DPYD: variants seen among roughly 807,000 people sequenced by gnomAD.
DPYD encodes the protein dihydropyrimidine dehydrogenase [NADP(+)].
A neutral mutation model predicts 116.2 loss-of-function variants in DPYD; 109 were observed. The observed-to-expected ratio is 0.94, with a 90% confidence interval of 0.80 to 1.10. The LOEUF (loss-of-function observed/expected upper bound fraction) is 1.10, where lower values mean the gene tolerates loss of function less well. DPYD is among the 50% of genes least tolerant of loss of function. The probability of loss-of-function intolerance (pLI) is 0.00; values close to 1 mark genes in which losing one functional copy is unlikely to be tolerated. For synonymous variants in DPYD, 440 were observed against 432.0 expected (o/e 1.02, Z -0.23); for missense variants, 1,302 against 1,254.5 (o/e 1.04, Z -0.57).
At chr1:97,195,096 A>G (rs893818763) in intron 19 of DPYD, among the ~76,000 whole-genome samples, 13 of 152,150 alleles carry the variant, frequency 8.5e-5, no homozygotes, top group African/African-American at 2.7e-4. Context: ...GAACCTCTTC[A>G]CCAACATGGC....
intron 5 of DPYD, among the ~76,000 whole-genome samples, chr1:97,704,962 T>G (rs896134765): frequency 2.6e-5 from 4 of 152,036 alleles, no homozygotes; most frequent in African/African-American, 4.8e-5. Context: ...CAATATTTAT[T>G]GAAATATATC....
At chr1:97,461,649 A>G (rs1677040375) in intron 13 of DPYD, among the ~76,000 whole-genome samples, 1 of 152,226 alleles carries the variant, frequency 6.6e-6, no homozygotes, top group Non-Finnish European at 1.5e-5. Context: ...ATAAGCAGCT[A>G]TGCGATATAA....
chr1:97,612,286 G>A (rs1655994705), intron 8 of DPYD, among the ~76,000 whole-genome samples: 2 of 152,056 alleles, frequency 1.3e-5, no homozygotes, highest in Non-Finnish European at 2.9e-5. Context: ...ATATGTTCCT[G>A]TTAGGGTGGT....
rs778911905 is a variant in DPYD at position 97,079,053 on chromosome 1, A to C, written c.3001T>G (p.Cys1001Gly). ...GTTGTCCTGGAAACCATTTTGATGC[A>C]GTCGACAATAGGGCAAACACTGAGA... ...LCLSVCPIVD[C>G]IKMVSRTTPY... Residue 1001 changes from cysteine to glycine, a missense_variant, in exon 23 of 23, where the codon TGC becomes GGC. By Grantham distance (159) the Cys-to-Gly change is radical (BLOSUM62 -3). Transcript: ENST00000370192. The C allele has an allele frequency of 1.2e-6, 2 of 1,613,686 alleles. No homozygotes were observed. The highest frequency in any genetic ancestry group is 2.2e-5 in the South Asian group (2 of 91,068).
At chr1:97,347,229 T>C (rs1669903379) in intron 16 of DPYD, among the ~76,000 whole-genome samples, 1 of 152,010 alleles carries the variant, frequency 6.6e-6, no homozygotes, top group Non-Finnish European at 1.5e-5. Context: ...CACATTTCAC[T>C]ATTAAGTTTG....
intron 11 of DPYD, among the ~76,000 whole-genome samples, chr1:97,554,965 T>C (rs950172487): frequency 1.7e-4 from 26 of 152,118 alleles, no homozygotes; most frequent in African/African-American, 6.3e-4. Context: ...TTTGACATGG[T>C]TATCTTTTCT....
rs1424797533 is a variant in DPYD, at chr1:97,382,389, T to C, written c.1974+4A>G. On this transcript the variant is annotated splice_donor_region_variant and intron_variant, in intron 15 of 22. Transcript: ENST00000370192. The stretch of plus-strand genomic sequence containing the variant: ...AAATAAATATATACTAAAGTAACCA[T>C]TACCTCAGACTTCTTGGCAAGTTCC... 5 of 1,573,874 alleles carry C rather than the reference T, an allele frequency of 3.2e-6. No homozygotes were observed. Among genetic ancestry groups the C allele is most frequent in the Non-Finnish European group, 2.6e-6 (3 of 1,151,404 alleles).
chr1:97,432,965 A>G (rs981127978), intron 14 of DPYD, among the ~76,000 whole-genome samples: 1 of 152,054 alleles, frequency 6.6e-6, no homozygotes, highest in Non-Finnish European at 1.5e-5. Context: ...GAACCAAGGG[A>G]TATCTCTTGC....
intron 8 of DPYD, among the ~76,000 whole-genome samples, chr1:97,628,333 T>C (rs1329940090): frequency 1.3e-5 from 2 of 152,082 alleles, no homozygotes; most frequent in Admixed American, 6.6e-5. Context: ...AAACTTTGAA[T>C]AATACGTATC....
At chr1:97,696,620 T>A (rs1036630418) in intron 6 of DPYD, among the ~76,000 whole-genome samples, 42 of 152,002 alleles carry the variant, frequency 2.8e-4, no homozygotes, top group Non-Finnish European at 4.1e-4. Flanking sequence ...AAAAAAAAAA[T>A]TTCTTGTAAT....
chr1:97,674,604 T>C (rs1240336507), intron 8 of DPYD, among the ~76,000 whole-genome samples: 1 of 151,766 alleles, frequency 6.6e-6, no homozygotes, highest in Non-Finnish European at 1.5e-5. Flanking sequence ...TCTTCAGTTA[T>C]CTATAACAGT....
rs542232738 is a variant in DPYD, at chr1:97,361,394, A to G, written c.2058+12167T>C. Among the ~76,000 whole-genome samples, 5 of 152,218 alleles carry G rather than the reference A, an allele frequency of 3.3e-5. No individual in the cohort carries two copies. In the East Asian group the frequency reaches 9.6e-4, roughly 29 times the overall value. On this transcript the variant is annotated intron_variant, in intron 16 of 22. Transcript: ENST00000370192. The stretch of plus-strand genomic sequence containing the variant: ...AGAGGTACAAAGAGGAGTTGATACC[A>G]TTCCTTCTGAAACTATTCCAATCAA...
chr1:97,903,819 CCAA>C (rs919086384), intron 1 of DPYD, among the ~76,000 whole-genome samples: 10 of 151,870 alleles, frequency 6.6e-5, no homozygotes, highest in Non-Finnish European at 1.3e-4. Flanking sequence ...AGGCAAATGG[CCAA>C]CAACAACATT....
chr1:97,231,587 G>T (rs1388604369), intron 19 of DPYD, among the ~76,000 whole-genome samples: 1 of 152,064 alleles, frequency 6.6e-6, no homozygotes, highest in Non-Finnish European at 1.5e-5. Flanking sequence ...CTGCCCCCAT[G>T]ATTTAACTAC....
intron 14 of DPYD, among the ~76,000 whole-genome samples, chr1:97,417,566 C>T (rs746669492): frequency 1.3e-5 from 2 of 152,116 alleles, no homozygotes; most frequent in Non-Finnish European, 2.9e-5. Flanking sequence ...TTCTTTTCAA[C>T]AAAGCTACAC....
At chr1:97,254,238 A>G (rs907185205) in intron 18 of DPYD, among the ~76,000 whole-genome samples, 2 of 152,138 alleles carry the variant, frequency 1.3e-5, no homozygotes, top group African/African-American at 4.8e-5. Context: ...ATTTGTATGT[A>G]CCTATTGGCT....
At chr1:97,586,981 A>C (rs1340758939) in intron 10 of DPYD, among the ~76,000 whole-genome samples, 1 of 152,198 alleles carries the variant, frequency 6.6e-6, no homozygotes. Context: ...AAAAATATAA[A>C]ATGAGGAATG....
At chr1:97,398,898 C>T (rs909618205) in intron 14 of DPYD, among the ~76,000 whole-genome samples, 38 of 152,210 alleles carry the variant, frequency 2.5e-4, no homozygotes, top group Admixed American at 1.3e-3. Context: ...CTGTAGGTTG[C>T]CTGTTCACTC....
intron 19 of DPYD, among the ~76,000 whole-genome samples, chr1:97,207,232 A>G (rs1045827142): frequency 6.6e-6 from 1 of 152,142 alleles, no homozygotes; most frequent in African/African-American, 2.4e-5. Context: ...AATTATACGA[A>G]TATATCATAA....
Sources: allele counts gnomAD v4.1 joint callset (sites outside exome capture counted in the v4.1 genomes callset), GRCh38; gene constraint gnomAD v4.1.1; transcripts MANE v1.5; gene names NCBI Gene and HGNC (gene_info 2026-07-23, HGNC 2026-07-21).